The following RCOR1 variants were observed in gnomAD, a reference collection of about 807,000 sequenced individuals.
RCOR1 encodes REST corepressor.
In RCOR1, 12 loss-of-function variants were observed where a neutral mutation model predicts 64.0. The observed-to-expected ratio is 0.19, with a 90% CI of 0.12 to 0.30. The LOEUF is 0.30. Ranked by LOEUF, RCOR1 falls within the 10% of genes least tolerant of loss-of-function variation. The pLI, the probability that RCOR1 is intolerant of heterozygous loss-of-function variation, is 1.00. For synonymous variants in RCOR1, 279 were observed against 227.2 expected (o/e 1.23, Z -2.05); for missense variants, 502 against 621.2 (o/e 0.81, Z 2.04).
chr14:102,712,918 T>A (rs1270639509), intron 7 of RCOR1, among the ~76,000 whole-genome samples: 1 of 151,334 alleles, frequency 6.6e-6, no homozygotes, highest in African/African-American at 2.4e-5. Context: ...ATATAATTTC[T>A]GATTCAGAAA....
intron 2 of RCOR1, among the ~76,000 whole-genome samples, chr14:102,636,483 G>A (rs1894240357): frequency 2.0e-5 from 3 of 151,820 alleles, no homozygotes; most frequent in Non-Finnish European, 2.9e-5. Context: ...GTTTCACTAT[G>A]TTGGCCAGGC....
chr14:102,729,610 A>C lies in RCOR1; in HGVS notation c.*3104A>C. The C allele has an allele frequency of 2.7e-6, 1 of 372,810 alleles. No individual in the cohort carries two copies. 23.1% of individuals were successfully genotyped at this position (372,810 alleles called of 1,614,324 possible). ...GTAGTTAGTTGGGTTGTAACAGCTT[A>C]CTGGGGTGGACTCATAAAACAGTGG... On this transcript the variant is annotated 3_prime_UTR_variant, in exon 12 of 12. Transcript: ENST00000262241.
At chr14:102,593,660 G>T (rs998521523) in intron 2 of RCOR1, among the ~76,000 whole-genome samples, 88 of 152,336 alleles carry the variant, frequency 5.8e-4, no homozygotes, top group Admixed American at 2.1e-3. Flanking sequence ...GCCTCGGCCA[G>T]GGGTAAGGGT....
In RCOR1 at chr14:102,712,947, GTTTTTT is replaced by G. The variant is rs67246962; in HGVS notation, c.859-1457_859-1452del. ...TCAGAAAGAAAATGGCTAAATCATT[GTTTTTT>G]TTTTTTTTTTTTTTTTTTGGAGATG... On this transcript the variant is annotated intron_variant, in intron 7 of 11. Transcript: ENST00000262241. Among the ~76,000 whole-genome samples, 88 of 77,716 alleles carry G rather than the reference GTTTTTT, an allele frequency of 1.1e-3. 1 individual carries two copies. The highest frequency in any genetic ancestry group is 0.02 in the Middle Eastern group (2 of 100). 51.0% of individuals were successfully genotyped at this position (77,716 alleles called of 152,430 possible).
At chr14:102,709,392 T>TA (rs1211511850) in intron 6 of RCOR1, among the ~76,000 whole-genome samples, 3 of 152,160 alleles carry the variant, frequency 2.0e-5, no homozygotes, top group African/African-American at 7.2e-5. Flanking sequence ...AGGTGGGTTT[T>TA]AAAAAATCCT....
chr14:102,693,934 T>G (rs1439862138), intron 3 of RCOR1, among the ~76,000 whole-genome samples: 1 of 152,126 alleles, frequency 6.6e-6, no homozygotes, highest in Non-Finnish European at 1.5e-5. Context: ...CAAGTAATCC[T>G]CCCGTCTTGG....
intron 3 of RCOR1, among the ~76,000 whole-genome samples, chr14:102,692,440 AACACACACACACACAC>A (rs10622844): frequency 1.4e-5 from 2 of 146,244 alleles, no homozygotes; most frequent in South Asian, 2.2e-4. Flanking sequence ...GGAAAAAGTT[AACACACACACACACAC>A]ACACACACAC....
chr14:102,719,423 G>A (rs541516849), intron 8 of RCOR1, among the ~76,000 whole-genome samples: 32 of 151,928 alleles, frequency 2.1e-4, no homozygotes, highest in African/African-American at 5.6e-4. Flanking sequence ...GACAGGCCCC[G>A]GTGTGTGATG....
chr14:102,625,635 G>C (rs1893966005), intron 2 of RCOR1, among the ~76,000 whole-genome samples: 1 of 151,650 alleles, frequency 6.6e-6, no homozygotes, highest in Non-Finnish European at 1.5e-5. Flanking sequence ...CCCTCAAAGT[G>C]CTAGATTACA....
rs11464849 is a variant in RCOR1 at position 102,606,934 on chromosome 14, G to GTTT, written c.361+13624_361+13626dup. Among the ~76,000 whole-genome samples, 112 of 112,066 alleles carry GTTT rather than the reference G, an allele frequency of 1.0e-3. 3 individuals carry two copies. Among genetic ancestry groups the GTTT allele is most frequent in the African/African-American group, 1.8e-3 (55 of 30,260 alleles). The allele number at this position is 112,066 out of a possible 152,430, so 73.5% of individuals were successfully genotyped here. A position where few individuals can be genotyped will look rare whatever the true frequency, so the allele number is the denominator to read the frequency against. ...TTTGATTTTTTTGGGTTTTGTGTTA[G>GTTT]TTTTTTTTTTTTTTTTTGAGACGAA... On this transcript the variant is annotated intron_variant, in intron 2 of 11. Coordinates refer to ENST00000262241, the MANE Select transcript of RCOR1 (RefSeq NM_015156.4).
At chr14:102,645,161 C>A (rs982845522) in intron 2 of RCOR1, among the ~76,000 whole-genome samples, 1 of 152,100 alleles carries the variant, frequency 6.6e-6, no homozygotes, top group Non-Finnish European at 1.5e-5. Context: ...TCCTTGGGCT[C>A]CTTGTGTGTC....
chr14:102,602,374 TTTTTC>T (rs200568366), intron 2 of RCOR1, among the ~76,000 whole-genome samples: 42 of 144,852 alleles, frequency 2.9e-4, no homozygotes, highest in South Asian at 4.3e-4. Flanking sequence ...TATTAGCATT[TTTTTC>T]TTTTCTTTTC....
Position 102,592,836 on chromosome 14 carries a change from C to A in RCOR1, c.-51C>A. On this transcript the variant is annotated 5_prime_UTR_variant, in exon 1 of 12. Transcript: ENST00000262241. ...CCCCTCCCCCGTCTCGGCGCCCCCT[C>A]CTCAGGAGCCGCGGGTCCCCGCCAC... 8.5e-7 allele frequency: 1 copy of A among 1,176,100 alleles called. No homozygotes were observed. Among genetic ancestry groups the A allele is most frequent in the Non-Finnish European group, 1.0e-6 (1 of 953,904 alleles). 72.9% of individuals were successfully genotyped at this position (1,176,100 alleles called of 1,614,324 possible).
At chr14:102,644,052 G>A (rs1421525607) in intron 2 of RCOR1, among the ~76,000 whole-genome samples, 1 of 152,206 alleles carries the variant, frequency 6.6e-6, no homozygotes, top group East Asian at 1.9e-4. Context: ...CATCAGTTGG[G>A]CAGCTCTGGC....
intron 3 of RCOR1, among the ~76,000 whole-genome samples, chr14:102,689,824 AC>A (rs1895496418): frequency 6.6e-6 from 1 of 152,140 alleles, no homozygotes; most frequent in Non-Finnish European, 1.5e-5. Flanking sequence ...GCTCACTGCA[AC>A]CTCTGCCTCC....
intron 3 of RCOR1, among the ~76,000 whole-genome samples, chr14:102,696,170 C>T (rs150747939): frequency 1.3e-5 from 2 of 152,158 alleles, no homozygotes; most frequent in African/African-American, 4.8e-5. Context: ...TTGTTCTCTT[C>T]TGTTGCCTGT....
chr14:102,696,449 C>T (rs753565399), intron 3 of RCOR1, among the ~76,000 whole-genome samples: 8 of 152,148 alleles, frequency 5.3e-5, no homozygotes, highest in South Asian at 2.1e-4. Flanking sequence ...ATTGGAATGT[C>T]GGCCAGGTTG....
chr14:102,660,485 C>T (rs992497692), intron 2 of RCOR1, among the ~76,000 whole-genome samples: 1 of 151,922 alleles, frequency 6.6e-6, no homozygotes, highest in Non-Finnish European at 1.5e-5. Context: ...GACTCCTGGG[C>T]TCCAGCAATC....
At chr14:102,622,171 C>T (rs1893888150) in intron 2 of RCOR1, among the ~76,000 whole-genome samples, 1 of 91,244 alleles carries the variant, frequency 1.1e-5, no homozygotes, top group African/African-American at 3.1e-5. Flanking sequence ...GGCTGTGTAA[C>T]CTCTCTTTCT....
Sources: gnomAD v4.1 joint callset for allele counts (sites outside exome capture counted in the v4.1 genomes callset) on GRCh38, gnomAD v4.1.1 for gene constraint, MANE v1.5 for transcripts, NCBI Gene and HGNC (gene_info 2026-07-23, HGNC 2026-07-21) for gene names.